TCTN3: variants seen among roughly 807,000 people sequenced by gnomAD.
The protein encoded by TCTN3 is tectonic family member 3, also known as tectonic-3.
Under a neutral mutation model 71.3 loss-of-function variants are expected in TCTN3, and 57 were observed. That is an observed-to-expected ratio of 0.80 (90% CI 0.65 to 1.00). TCTN3 has a LOEUF of 1.00. Ranked by LOEUF, TCTN3 falls within the 50% of genes least tolerant of loss-of-function variation. TCTN3 has a pLI of 0.00. For synonymous variants in TCTN3, 258 were observed against 267.8 expected (o/e 0.96, Z 0.36); for missense variants, 696 against 719.9 (o/e 0.97, Z 0.38).
chr10:95,665,285 T>TG (rs2097924665), intron 13 of TCTN3, among the ~76,000 whole-genome samples: 1 of 151,760 alleles, frequency 6.6e-6, no homozygotes, highest in Admixed American at 6.6e-5. Flanking sequence ...AATTTTTTTT[T>TG]TGTGTGTGTG....
chr10:95,667,756 G>A (rs758658489), intron 13 of TCTN3, among the ~76,000 whole-genome samples: 18 of 152,166 alleles, frequency 1.2e-4, no homozygotes, highest in Non-Finnish European at 2.5e-4. Flanking sequence ...CTTCAGTCAG[G>A]AGACTAGAGT....
intron 13 of TCTN3, among the ~76,000 whole-genome samples, chr10:95,665,323 G>A (rs2097924700): frequency 1.3e-5 from 2 of 152,100 alleles, no homozygotes. Context: ...CTGTCACCCA[G>A]GCTGAAGTGC....
At chr10:95,678,102 G>A (rs1359197829) in intron 13 of TCTN3, among the ~76,000 whole-genome samples, 1 of 152,188 alleles carries the variant, frequency 6.6e-6, no homozygotes, top group Non-Finnish European at 1.5e-5. Context: ...CTTTCAAACA[G>A]TGTCCAGTGG....
At position 95,693,365 on chromosome 10, in the gene TCTN3, G is replaced by A; in HGVS notation, c.368C>T (p.Pro123Leu). ...CAACGAAGCTCACCTTACGCTGCCTGGAAGGCAGAAGGAGAAAACTGTCCT... is the reference window on the plus strand; with the variant it reads ...CAACGAAGCTCACCTTACGCTGCCTAGAAGGCAGAAGGAGAAAACTGTCCT... ...HPRTVFSFCL[P>L]GSVRSSSWVC... Residue 123 changes from proline (P) to leucine (L), a missense_variant, in exon 2 of 14, where the codon CCA becomes CTA. Physicochemically the swap from Pro to Leu is moderately conservative, Grantham distance 98. Coordinates refer to ENST00000371217, the MANE Select transcript of TCTN3 (RefSeq NM_015631.6). 1 of 1,551,852 alleles carries A rather than the reference G, an allele frequency of 6.4e-7. No homozygotes were observed. The highest frequency in any genetic ancestry group is 8.7e-7 in the Non-Finnish European group (1 of 1,147,004).
intron 6 of TCTN3, 96 bp from the exon 7 acceptor site, chr10:95,686,626 C>A: frequency 8.3e-7 from 1 of 1,205,232 alleles, no homozygotes; most frequent in Non-Finnish European, 1.2e-6. Flanking sequence ...TTTGGTTTGG[C>A]GGGCAGGGGA....
At chr10:95,688,415 A>AAAAAAAAAAAAG (rs2097950679) in intron 3 of TCTN3, among the ~76,000 whole-genome samples, 8 of 124,020 alleles carry the variant, frequency 6.5e-5, no homozygotes, top group African/African-American at 9.4e-5. Flanking sequence ...AAAAAAAAAA[A>AAAAAAAAAAAAG]AAAGAAAAAA....
Position 95,663,973 on chromosome 10 carries a change from TG to T in TCTN3, c.*93del. 1 of 959,660 alleles carries T rather than the reference TG, an allele frequency of 1.0e-6. No individual in the cohort carries two copies. The highest frequency in any genetic ancestry group is 1.6e-6 in the Non-Finnish European group (1 of 608,100). The allele number at this position is 959,660 out of a possible 1,614,324, so 59.4% of individuals were successfully genotyped here. A position where few individuals can be genotyped will look rare whatever the true frequency, so the allele number is the denominator to read the frequency against. ...GTCCTCTATTATCCTAAATGCTCTC[TG>T]GTCATGAGCAGGTGAGGTTCTATTT... On this transcript the variant is annotated 3_prime_UTR_variant, in exon 14 of 14. Coordinates refer to ENST00000371217, the MANE Select transcript of TCTN3 (RefSeq NM_015631.6).
intron 13 of TCTN3, among the ~76,000 whole-genome samples, chr10:95,671,637 C>A (rs1209682875): frequency 6.6e-6 from 1 of 152,222 alleles, no homozygotes; most frequent in African/African-American, 2.4e-5. Context: ...AGAACAAATT[C>A]ATCTTTGGTA....
chr10:95,665,285 TTGTG>T lies in TCTN3; in HGVS notation c.1591-989_1591-986del, dbSNP rs890669395. The stretch of plus-strand genomic sequence containing the variant: ...AACCACACCTGGCTAAATTTTTTTT[TTGTG>T]TGTGTGTGAGATGGAGTCTCACTCT... On this transcript the variant is annotated intron_variant, in intron 13 of 13. Coordinates refer to ENST00000371217, the MANE Select transcript of TCTN3 (RefSeq NM_015631.6). Among the ~76,000 whole-genome samples the T allele has an allele frequency of 7.2e-5, 11 of 151,878 alleles. No individual in the cohort carries two copies. In the East Asian group the frequency reaches 2.1e-3, roughly 29 times the overall value.
intron 12 of TCTN3, 140 bp from the exon 13 acceptor site, chr10:95,680,749 C>T: frequency 1.3e-6 from 1 of 773,382 alleles, no homozygotes; most frequent in Non-Finnish European, 1.9e-6. Context: ...CACAAAAGTT[C>T]ACAATAAGAC....
chr10:95,676,921 A>G (rs1188243224), intron 13 of TCTN3, among the ~76,000 whole-genome samples: 1 of 152,186 alleles, frequency 6.6e-6, no homozygotes, highest in African/African-American at 2.4e-5. Flanking sequence ...TTTATAGAAG[A>G]GAAAACAGAT....
intron 13 of TCTN3, among the ~76,000 whole-genome samples, chr10:95,676,957 A>C (rs1048609070): frequency 2.0e-5 from 3 of 152,208 alleles, no homozygotes; most frequent in Non-Finnish European, 2.9e-5. Context: ...AACTTGATTT[A>C]GACCTAGGTC....
chr10:95,668,017 T>A (rs375960246), intron 13 of TCTN3, among the ~76,000 whole-genome samples: 1 of 151,984 alleles, frequency 6.6e-6, no homozygotes, highest in South Asian at 2.1e-4. Flanking sequence ...AAGATGAAGA[T>A]GCAAAGTTGT....
intron 12 of TCTN3, 59 bp downstream of exon 12, chr10:95,682,592 C>A: frequency 1.3e-6 from 2 of 1,558,214 alleles, no homozygotes; most frequent in Admixed American, 1.9e-5. Flanking sequence ...AACTTACTAT[C>A]CAAGATTTAC....
Position 95,687,712 on chromosome 10 carries a change from T to C in TCTN3, c.507A>G (p.Leu169=), listed in dbSNP as rs1566075059. ...CCTTTTGAAGCTTCTGGAAATAGTT[T>C]AAGTTTGCTAAAATGTTTTTTAAAA... The part of the protein sequence containing the change: ...QFCVHVNNSN[L]NYFQKLQKVN... The change falls in exon 4 of 14, where the codon TTA becomes TTG. Residue 169 remains leucine (L), a synonymous_variant. Transcript: ENST00000371217. 3.1e-6 allele frequency: 5 copies of C among 1,609,094 alleles called. No individual in the cohort carries two copies. The Admixed American group carries it at 8.6e-5, about 28-fold the overall frequency.
intron 13 of TCTN3, among the ~76,000 whole-genome samples, chr10:95,670,100 G>C (rs1343100126): frequency 6.8e-6 from 1 of 146,348 alleles, no homozygotes; most frequent in Non-Finnish European, 1.5e-5. Flanking sequence ...AGCAGTTACA[G>C]ATCTATTTGA....
intron 2 of TCTN3, 105 bp downstream of exon 2, chr10:95,693,248 G>T: frequency 6.7e-7 from 1 of 1,491,620 alleles, no homozygotes; most frequent in Non-Finnish European, 9.0e-7. Context: ...TCCTAGGAGT[G>T]GAAGTACGGG....
chr10:95,669,859 C>G (rs1393061647), intron 13 of TCTN3, among the ~76,000 whole-genome samples: 1 of 151,502 alleles, frequency 6.6e-6, no homozygotes, highest in Non-Finnish European at 1.5e-5. Context: ...GTCAGGAGAT[C>G]GAGACCATCC....
intron 13 of TCTN3, 32 bp from the exon 14 acceptor site, chr10:95,664,332 C>A: frequency 6.3e-7 from 1 of 1,585,260 alleles, no homozygotes; most frequent in Non-Finnish European, 8.7e-7. Flanking sequence ...CAGGTCAGCG[C>A]TTGGTACCCA....
Sources: gnomAD v4.1 joint callset for allele counts (sites outside exome capture counted in the v4.1 genomes callset) on GRCh38, gnomAD v4.1.1 for gene constraint, MANE v1.5 for transcripts, NCBI Gene and HGNC (gene_info 2026-07-23, HGNC 2026-07-21) for gene names.